The following L3MBTL4 variants were observed in gnomAD, a reference collection of about 807,000 sequenced individuals.
L3MBTL4 encodes lethal(3)malignant brain tumor-like protein 4.
A neutral mutation model predicts 84.5 loss-of-function variants in L3MBTL4; 70 were observed. The observed-to-expected ratio is 0.83, with a 90% CI of 0.68 to 1.01. The LOEUF is 1.01. L3MBTL4 is among the 50% of genes least tolerant of loss of function. The pLI, the probability that L3MBTL4 is intolerant of heterozygous loss-of-function variation, is 0.00. For missense variants in L3MBTL4, 715 were observed against 754.8 expected, an observed-to-expected ratio of 0.95 and a Z score of 0.62; for synonymous variants, 274 against 259.8, an observed-to-expected ratio of 1.05 and a Z score of -0.52.
At chr18:6,280,503 A>G (rs544373901) in intron 4 of L3MBTL4, among the ~76,000 whole-genome samples, 9 of 152,218 alleles carry the variant, frequency 5.9e-5, no homozygotes, top group Non-Finnish European at 1.0e-4. Context: ...TCCCTTAGCA[A>G]CAGATACAAG....
chr18:6,095,003 T>A (rs1217160360), intron 14 of L3MBTL4, among the ~76,000 whole-genome samples: 1 of 152,210 alleles, frequency 6.6e-6, no homozygotes, highest in African/African-American at 2.4e-5. Context: ...CAACAATCCA[T>A]AAGCATCTGC....
intron 16 of L3MBTL4, among the ~76,000 whole-genome samples, chr18:6,061,166 A>G (rs1037186954): frequency 1.3e-5 from 2 of 152,086 alleles, no homozygotes; most frequent in African/African-American, 4.8e-5. Flanking sequence ...GTTGCTTCAC[A>G]TTAGTATGTC....
Position 6,241,392 on chromosome 18 carries a change from T to G in L3MBTL4, c.518A>C (p.Asn173Thr). 2 of 1,605,164 alleles carry G rather than the reference T, an allele frequency of 1.2e-6. No individual in the cohort carries two copies. Among genetic ancestry groups the G allele is most frequent in the Non-Finnish European group, 1.7e-6 (2 of 1,174,756 alleles). Residue 173 changes from asparagine (N) to threonine (T), a missense_variant, in exon 8 of 19, where the codon AAT (asparagine) becomes ACT (threonine). Asn to Thr is a moderately conservative substitution (Grantham distance 65, BLOSUM62 0). Coordinates refer to ENST00000317931, the MANE Select transcript of L3MBTL4 (RefSeq NM_001330559.2). ...GTTTCTGAATAATTTCTTTGGAGCA[T>G]TTTGCAATTTGCAGGCCTTCAAGTA... The part of the protein sequence containing the change: ...MDYLKACKLQ[N>T]APKKLFRNRS...
chr18:5,958,122 AAGAAGAAAAAGAAG>A (rs2095241933), intron 18 of L3MBTL4, among the ~76,000 whole-genome samples: 7 of 49,202 alleles, frequency 1.4e-4, no homozygotes, highest in South Asian at 6.2e-4. Context: ...GAAGAAGAAG[AAGAAGAAAAAGAAG>A]AAGAAGAAGA....
intron 13 of L3MBTL4, among the ~76,000 whole-genome samples, chr18:6,161,613 A>G (rs1398125641): frequency 1.3e-5 from 2 of 152,204 alleles, no homozygotes; most frequent in Non-Finnish European, 2.9e-5. Flanking sequence ...AAGTTCTAAT[A>G]AAATGTGTAT....
chr18:6,030,915 C>G (rs2055766736), intron 16 of L3MBTL4: 1 of 984,960 alleles, frequency 1.0e-6, no homozygotes, highest in African/African-American at 1.7e-5. Flanking sequence ...AGGTTTTTCC[C>G]TTTATAAATA....
intron 16 of L3MBTL4, among the ~76,000 whole-genome samples, chr18:5,993,243 A>G (rs1364486303): frequency 6.6e-6 from 1 of 152,212 alleles, no homozygotes; most frequent in Non-Finnish European, 1.5e-5. Flanking sequence ...CCATAGAGAC[A>G]TCCATGTCTC....
chr18:6,021,255 G>A (rs146547883), intron 16 of L3MBTL4, among the ~76,000 whole-genome samples: 1 of 152,342 alleles, frequency 6.6e-6, no homozygotes, highest in Non-Finnish European at 1.5e-5. Flanking sequence ...GGGCGGGGAG[G>A]AGCTCTGCAG....
chr18:6,221,334 T>C (rs888345128), intron 10 of L3MBTL4, among the ~76,000 whole-genome samples: 1 of 149,192 alleles, frequency 6.7e-6, no homozygotes, highest in African/African-American at 2.6e-5. Context: ...TAATGGCCAA[T>C]AGTCCTATTT....
intron 18 of L3MBTL4, 56 bp from the exon 19 acceptor site, chr18:5,956,443 C>G (rs764574149): frequency 6.5e-7 from 1 of 1,543,862 alleles, no homozygotes; most frequent in Non-Finnish European, 8.9e-7. Flanking sequence ...AGCCTGTTTA[C>G]TCACCAGTAA....
chr18:6,154,554 G>C (rs764595183), intron 13 of L3MBTL4, among the ~76,000 whole-genome samples: 1 of 152,148 alleles, frequency 6.6e-6, no homozygotes, highest in Non-Finnish European at 1.5e-5. Context: ...CCTCCAGTGT[G>C]AGCAGTCTTC....
intron 12 of L3MBTL4, among the ~76,000 whole-genome samples, chr18:6,202,348 T>G (rs1383299749): frequency 6.6e-6 from 1 of 152,050 alleles, no homozygotes; most frequent in Admixed American, 6.6e-5. Flanking sequence ...CAGGATCTAG[T>G]AGGACACACT....
At chr18:6,253,626 T>A (rs1411143757) in intron 5 of L3MBTL4, among the ~76,000 whole-genome samples, 5 of 152,240 alleles carry the variant, frequency 3.3e-5, no homozygotes, top group African/African-American at 1.2e-4. Flanking sequence ...ATAATGGGAA[T>A]GATATCTACC....
intron 15 of L3MBTL4, among the ~76,000 whole-genome samples, chr18:6,087,580 A>G (rs2058299436): frequency 6.6e-6 from 1 of 152,084 alleles, no homozygotes; most frequent in East Asian, 1.9e-4. Flanking sequence ...GGGCAAGAAG[A>G]ACTCTGGTTT....
chr18:6,093,321 A>G (rs765016167), intron 15 of L3MBTL4, 34 bp downstream of exon 15: 1 of 1,543,096 alleles, frequency 6.5e-7, no homozygotes, highest in South Asian at 1.2e-5. Context: ...TACATGGTTT[A>G]CTTTCTGGCT....
intron 14 of L3MBTL4, among the ~76,000 whole-genome samples, chr18:6,100,759 C>T (rs1254119390): frequency 2.0e-5 from 3 of 152,196 alleles, no homozygotes; most frequent in East Asian, 3.8e-4. Flanking sequence ...TCCATTGGCA[C>T]CAGGTGGGGA....
At position 6,239,781 on chromosome 18, in the gene L3MBTL4, G is replaced by A. The variant is rs370912442; in HGVS notation, c.644C>T (p.Ala215Val). 4.5e-5 allele frequency: 72 copies of A among 1,614,074 alleles called. No homozygotes were observed. The highest frequency in any genetic ancestry group is 5.8e-5 in the Non-Finnish European group (68 of 1,179,970). Residue 215 changes from alanine to valine, a missense_variant, in exon 9 of 19, where the codon GCA (alanine) becomes GTA (valine). Coordinates refer to ENST00000317931, the MANE Select transcript of L3MBTL4 (RefSeq NM_001330559.2). Reference protein sequence around the residue: ...NPSLVCVATIADIVEDRLLVH... With the variant: ...NPSLVCVATIVDIVEDRLLVH... ...TAGTAAGCGATCTTCAACAATATCT[G>A]CTATGGTCGCCACACACACCAAGGA...
chr18:6,030,883 C>A, intron 16 of L3MBTL4: 2 of 985,146 alleles, frequency 2.0e-6, no homozygotes, highest in African/African-American at 1.7e-5. Flanking sequence ...TATAAACAAC[C>A]AGGCAGCCAA....
chr18:6,077,080 C>A (rs531294734), intron 16 of L3MBTL4, among the ~76,000 whole-genome samples: 184 of 152,304 alleles, frequency 1.2e-3, no homozygotes, highest in Non-Finnish European at 1.6e-3. Context: ...AGCAAAGGAA[C>A]AACTCAAAAG....
Sources: allele counts gnomAD v4.1 joint callset (sites outside exome capture counted in the v4.1 genomes callset), GRCh38; gene constraint gnomAD v4.1.1; transcripts MANE v1.5; gene names NCBI Gene and HGNC (gene_info 2026-07-23, HGNC 2026-07-21).